LNPK: variants seen among roughly 807,000 people sequenced by gnomAD.
The protein encoded by LNPK is lunapark, ER junction formation factor.
Under a neutral mutation model 55.2 loss-of-function variants are expected in LNPK, and 29 were observed. The ratio of observed to expected loss-of-function variants is 0.53; its 90% CI spans 0.39 to 0.72. The LOEUF is 0.72. Among genes scored for constraint, LNPK ranks in the 30% least tolerant of loss-of-function variants. LNPK has a pLI of 0.00. For synonymous variants in LNPK, 162 were observed against 168.2 expected, an observed-to-expected ratio of 0.96 and a Z score of 0.29; for missense variants, 467 against 494.8, an observed-to-expected ratio of 0.94 and a Z score of 0.53.
rs1284343269 is a variant in LNPK at position 175,940,762 on chromosome 2, CAT to C, written c.707-1107_707-1106del. On this transcript the variant is annotated intron_variant, in intron 9 of 12. Transcript: ENST00000272748. ...AATTCTTATGACTATGACTATATTT[CAT>C]ATGTTTGAGAATCTAAAGATTCAGT... is the stretch of plus-strand genomic sequence containing the variant. Among the ~76,000 whole-genome samples, 15 of 151,972 alleles carry C rather than the reference CAT, an allele frequency of 9.9e-5. 1 individual carries two copies. Among genetic ancestry groups the C allele is most frequent in the African/African-American group, 3.4e-4 (14 of 41,384 alleles).
At chr2:175,936,056 T>A (rs1684530423) in intron 12 of LNPK, among the ~76,000 whole-genome samples, 1 of 152,182 alleles carries the variant, frequency 6.6e-6, no homozygotes, top group African/African-American at 2.4e-5. Flanking sequence ...TCCAAAAGGC[T>A]GCAATGGCAA....
intron 4 of LNPK, among the ~76,000 whole-genome samples, chr2:175,986,038 C>G (rs1687393312): frequency 6.6e-6 from 1 of 152,020 alleles, no homozygotes; most frequent in South Asian, 2.1e-4. Context: ...GGATGTGTTT[C>G]TAACGAAGAT....
rs1686413811 is a variant in LNPK, at chr2:175,967,273, A to C, written c.358-2684T>G. Among the ~76,000 whole-genome samples, 4 of 152,300 alleles carry C rather than the reference A, an allele frequency of 2.6e-5. 1 individual carries two copies. The South Asian group carries it at 8.3e-4, about 32-fold the overall frequency. ...GGGGCTTTTTTATTTTAAAAGATAG[A>C]ATAATAAATACATGATTCTATTAAG... On this transcript the variant is annotated intron_variant, in intron 6 of 12. Coordinates refer to ENST00000272748, the MANE Select transcript of LNPK (RefSeq NM_030650.3).
chr2:175,933,971 G>A (rs867956491), intron 12 of LNPK, among the ~76,000 whole-genome samples: 3 of 152,106 alleles, frequency 2.0e-5, no homozygotes, highest in East Asian at 3.9e-4. Context: ...CTTGTGATCC[G>A]CCCGCCTTGG....
intron 8 of LNPK, among the ~76,000 whole-genome samples, chr2:175,954,997 T>A (rs544112372): frequency 6.6e-6 from 1 of 152,196 alleles, no homozygotes; most frequent in South Asian, 2.1e-4. Flanking sequence ...TCACAAGAGG[T>A]GAGGACTGAC....
intron 12 of LNPK, among the ~76,000 whole-genome samples, chr2:175,930,688 G>A (rs1377961236): frequency 6.6e-6 from 1 of 152,000 alleles, no homozygotes. Flanking sequence ...GTGTGGGTGT[G>A]GGTGGATGGT....
chr2:175,959,886 C>CA (rs551900231), intron 8 of LNPK, among the ~76,000 whole-genome samples: 21,124 of 142,462 alleles, frequency 0.15, 1,775 homozygotes, highest in Non-Finnish European at 0.21. Flanking sequence ...AAATGGAAAA[C>CA]AAAAAAAAAA....
intron 5 of LNPK, among the ~76,000 whole-genome samples, chr2:175,972,851 G>A (rs1686724681): frequency 6.6e-6 from 1 of 152,156 alleles, no homozygotes; most frequent in African/African-American, 2.4e-5. Context: ...TACATTGGAA[G>A]TTAATCACCT....
intron 8 of LNPK, among the ~76,000 whole-genome samples, chr2:175,962,318 A>G (rs1686080306): frequency 6.6e-6 from 1 of 152,230 alleles, no homozygotes; most frequent in South Asian, 2.1e-4. Flanking sequence ...ACAAGGCTAC[A>G]GTAACCAAAA....
rs552873905 is a variant in LNPK at position 175,931,703 on chromosome 2, C to T, written c.1055-1504G>A. On this transcript the variant is annotated intron_variant, in intron 12 of 12. Coordinates refer to ENST00000272748, the MANE Select transcript of LNPK (RefSeq NM_030650.3). Reference sequence around the variant, plus strand: ...TAACATGGCACTTAAAATGGCATTGCTACACACATGGAATTTTATAAAAAT... The same window carrying T: ...TAACATGGCACTTAAAATGGCATTGTTACACACATGGAATTTTATAAAAAT... Among the ~76,000 whole-genome samples the T allele has an allele frequency of 4.6e-5, 7 of 152,170 alleles. No individual in the cohort carries two copies. The East Asian group carries it at 1.4e-3, about 29-fold the overall frequency.
intron 5 of LNPK, among the ~76,000 whole-genome samples, chr2:175,977,787 T>G (rs1172693516): frequency 3.3e-5 from 5 of 152,186 alleles, no homozygotes. Flanking sequence ...ATTTTTGTTT[T>G]GAACAAGAAA....
chr2:175,933,563 C>T (rs1293061773), intron 12 of LNPK, among the ~76,000 whole-genome samples: 2 of 151,952 alleles, frequency 1.3e-5, no homozygotes, highest in East Asian at 1.9e-4. Flanking sequence ...AAATGGCTAA[C>T]TCATATTTAA....
chr2:175,926,574 C>CA lies in LNPK; in HGVS notation c.*3392dup, dbSNP rs1176218091. 1 of 152,240 alleles carries CA rather than the reference C, an allele frequency of 6.6e-6. No individual in the cohort carries two copies. The highest frequency in any genetic ancestry group is 6.5e-5 in the Admixed American group (1 of 15,286). The allele number at this position is 152,240 out of a possible 1,614,324, so 9.4% of individuals were successfully genotyped here. ...TTAAATACATACTCTCTCTACAACT[C>CA]AGCTTTCTCTTCTAGTAGTCCAAAG... On this transcript the variant is annotated 3_prime_UTR_variant, in exon 13 of 13. Transcript: ENST00000272748.
intron 5 of LNPK, 29 bp downstream of exon 5, chr2:175,979,777 AAAAT>A: frequency 6.9e-7 from 1 of 1,453,278 alleles, no homozygotes; most frequent in Non-Finnish European, 9.2e-7. Flanking sequence ...GGTATTTTAA[AAAAT>A]ATTTATTAAA....
intron 9 of LNPK, among the ~76,000 whole-genome samples, chr2:175,941,267 ATATATTTATATTTATATTTATATT>A (rs71004250): frequency 1.4e-5 from 2 of 144,084 alleles, no homozygotes; most frequent in East Asian, 4.0e-4. Context: ...AAGCAGCCTA[ATATATTTATATTTATATTTATATT>A]TATATTTATA....
chr2:175,939,942 A>T (rs574299018), intron 9 of LNPK, among the ~76,000 whole-genome samples: 4 of 152,226 alleles, frequency 2.6e-5, no homozygotes, highest in African/African-American at 9.6e-5. Context: ...TTAGTTCTGT[A>T]CAAACTGATG....
At chr2:175,939,022 T>G (rs1260657522) in intron 10 of LNPK, among the ~76,000 whole-genome samples, 1 of 152,154 alleles carries the variant, frequency 6.6e-6, no homozygotes, top group Non-Finnish European at 1.5e-5. Context: ...CATTCCTTTT[T>G]TTAAATAATA....
chr2:175,965,419 AG>A (rs1686277891), intron 6 of LNPK, among the ~76,000 whole-genome samples: 1 of 152,228 alleles, frequency 6.6e-6, no homozygotes, highest in Non-Finnish European at 1.5e-5. Flanking sequence ...AGACAGTCAT[AG>A]TAATGACAAA....
intron 1 of LNPK, among the ~76,000 whole-genome samples, chr2:175,998,172 G>A (rs192105785): frequency 1.2e-3 from 180 of 152,184 alleles, no homozygotes; most frequent in African/African-American, 4.2e-3. Context: ...GGCCGGGTGC[G>A]GTGGCTCACG....
Sources: allele counts gnomAD v4.1 joint callset (sites outside exome capture counted in the v4.1 genomes callset), GRCh38; gene constraint gnomAD v4.1.1; transcripts MANE v1.5; gene names NCBI Gene and HGNC (gene_info 2026-07-23, HGNC 2026-07-21).